PCDHAC1: variants seen among roughly 807,000 people sequenced by gnomAD.
PCDHAC1 encodes protocadherin alpha subfamily C, 1.
A neutral mutation model predicts 60.0 loss-of-function variants in PCDHAC1; 42 were observed. The ratio of observed to expected loss-of-function variants is 0.70; its 90% CI spans 0.55 to 0.90. The LOEUF (loss-of-function observed/expected upper bound fraction) is 0.90. Ranked by LOEUF, PCDHAC1 falls within the 40% of genes least tolerant of loss-of-function variation. The pLI, the probability that PCDHAC1 is intolerant of heterozygous loss-of-function variation, is 0.00. For missense variants in PCDHAC1, 1,160 were observed against 1,222.3 expected (o/e 0.95, Z 0.76); for synonymous variants, 468 against 499.3 (o/e 0.94, Z 0.84).
At chr5:140,985,317 A>C (rs1457089100) in intron 3 of PCDHAC1, among the ~76,000 whole-genome samples, 1 of 152,134 alleles carries the variant, frequency 6.6e-6, no homozygotes, top group Non-Finnish European at 1.5e-5. Flanking sequence ...TGGTGGCCAG[A>C]ATTCAGTAGT....
intron 1 of PCDHAC1, among the ~76,000 whole-genome samples, chr5:140,973,570 T>C (rs1211629419): frequency 6.6e-6 from 1 of 152,232 alleles, no homozygotes; most frequent in Non-Finnish European, 1.5e-5. Flanking sequence ...CCTCAATTTT[T>C]CTACAGACTG....
chr5:140,939,807 C>G (rs927084385), intron 1 of PCDHAC1, among the ~76,000 whole-genome samples: 1 of 152,088 alleles, frequency 6.6e-6, no homozygotes, highest in African/African-American at 2.4e-5. Context: ...TCTGCATGTT[C>G]AAGAAAAAGC....
intron 3 of PCDHAC1, among the ~76,000 whole-genome samples, chr5:141,001,941 A>G (rs565358428): frequency 6.6e-6 from 1 of 151,874 alleles, no homozygotes; most frequent in Admixed American, 6.5e-5. Context: ...GTGAGCGGAA[A>G]TAAGGAGGAG....
Position 140,927,822 on chromosome 5 carries a change from T to C in PCDHAC1, c.930T>C (p.Ile310=). The C allele has an allele frequency of 6.2e-7, 1 of 1,614,152 alleles. No homozygotes were observed. Among genetic ancestry groups the C allele is most frequent in the Non-Finnish European group, 8.5e-7 (1 of 1,180,030 alleles). Residue 310 remains isoleucine (I), a synonymous_variant, in exon 1 of 4, where the codon ATT becomes ATC. Coordinates refer to ENST00000253807, the MANE Select transcript of PCDHAC1 (RefSeq NM_018898.5). ...CTGAAACGCTCTTGGAGGCATACAT[T>C]GAGGCGAGGGACGAAGGTGTCTTTG... ...GPPETLLEAY[I]EARDEGVFGL...
chr5:140,968,135 G>C (rs2096222877), intron 1 of PCDHAC1: 2 of 1,614,034 alleles, frequency 1.2e-6, no homozygotes, highest in Non-Finnish European at 1.7e-6. Flanking sequence ...TACACTGAAG[G>C]TTGAGATCTC....
At chr5:140,957,191 T>C (rs1302296413) in intron 1 of PCDHAC1, among the ~76,000 whole-genome samples, 1 of 152,150 alleles carries the variant, frequency 6.6e-6, no homozygotes, top group Non-Finnish European at 1.5e-5. Flanking sequence ...TGATGACCGA[T>C]TGGGAATATA....
chr5:140,941,199 C>CTCCCT (rs2092799099), intron 1 of PCDHAC1, among the ~76,000 whole-genome samples: 1 of 115,882 alleles, frequency 8.6e-6, no homozygotes, highest in South Asian at 2.6e-4. Flanking sequence ...TTTTTTCTTT[C>CTCCCT]TTCCTTTCTT....
chr5:140,996,293 A>T (rs1481852263), intron 3 of PCDHAC1, among the ~76,000 whole-genome samples: 1 of 152,264 alleles, frequency 6.6e-6, no homozygotes, highest in African/African-American at 2.4e-5. Context: ...CAAGAAGCAC[A>T]GATTGTAACA....
intron 2 of PCDHAC1, 164 bp downstream of exon 2, chr5:140,979,171 C>T (rs1586797637): frequency 4.2e-6 from 4 of 960,866 alleles, no homozygotes; most frequent in South Asian, 4.8e-5. Context: ...CTTGAAAGAT[C>T]GCAAATGGTC....
At chr5:141,003,609 G>A (rs2098131688) in intron 3 of PCDHAC1, among the ~76,000 whole-genome samples, 1 of 151,970 alleles carries the variant, frequency 6.6e-6, no homozygotes, top group Non-Finnish European at 1.5e-5. Context: ...CACCATTCCC[G>A]GCCCCAGAGG....
chr5:140,970,625 A>C (rs534910839), intron 1 of PCDHAC1, among the ~76,000 whole-genome samples: 1 of 152,316 alleles, frequency 6.6e-6, no homozygotes, highest in Non-Finnish European at 1.5e-5. Context: ...CAAAAGCCAA[A>C]ATTTTGTACC....
chr5:140,928,245 A>G lies in PCDHAC1; in HGVS notation c.1353A>G (p.Glu451=). 2.5e-6 allele frequency: 4 copies of G among 1,614,192 alleles called. No homozygotes were observed. The highest frequency in any genetic ancestry group is 8.5e-7 in the Non-Finnish European group (1 of 1,180,032). ...CAAACTTTCCTCAACCCCAGCAGGA[A>G]CTTTTCGTTGCTGAAAACAATGGCC... ...NTPNFPQPQQ[E]LFVAENNGPG... is the part of the protein sequence containing the mutation. The change falls in exon 1 of 4, where the codon GAA becomes GAG. Residue 451 remains glutamate (E), a synonymous_variant. Transcript: ENST00000253807.
At chr5:140,964,802 GA>G (rs1187447949) in intron 1 of PCDHAC1, among the ~76,000 whole-genome samples, 2 of 151,946 alleles carry the variant, frequency 1.3e-5, no homozygotes, top group African/African-American at 4.8e-5. Context: ...CCCAAGAAAG[GA>G]GACAGGAATA....
rs1359152136 is a variant in PCDHAC1, at chr5:140,969,072, C to T, written c.2434-9877C>T. 2.1e-5 allele frequency: 34 copies of T among 1,613,982 alleles called. No individual in the cohort carries two copies. The highest frequency in any genetic ancestry group is 5.0e-5 in the Admixed American group (3 of 59,998). On this transcript the variant is annotated intron_variant, in intron 1 of 3. Transcript: ENST00000253807. ...AACAACAATATTGATGCCAGGATACCGCATGGCCTCAAAGTGCAGCCTCAC... is the reference window on the plus strand; with the variant it reads ...AACAACAATATTGATGCCAGGATACTGCATGGCCTCAAAGTGCAGCCTCAC...
intron 3 of PCDHAC1, among the ~76,000 whole-genome samples, chr5:141,002,517 G>A (rs770473989): frequency 5.3e-5 from 8 of 152,208 alleles, no homozygotes; most frequent in Non-Finnish European, 8.8e-5. Flanking sequence ...GAGTCTCCTA[G>A]CTGGAGTCAG....
intron 3 of PCDHAC1, among the ~76,000 whole-genome samples, chr5:140,992,036 TG>T (rs2097488420): frequency 6.6e-6 from 1 of 151,818 alleles, no homozygotes; most frequent in African/African-American, 2.4e-5. Flanking sequence ...TGTGTGTGTG[TG>T]TGTGTGTGTG....
At chr5:140,957,043 A>C (rs2095328677) in intron 1 of PCDHAC1, among the ~76,000 whole-genome samples, 3 of 152,196 alleles carry the variant, frequency 2.0e-5, no homozygotes, top group Admixed American at 2.0e-4. Flanking sequence ...GGAGTCATAT[A>C]AAATAAATTA....
chr5:140,941,548 C>CTCG (rs1175641247), intron 1 of PCDHAC1, among the ~76,000 whole-genome samples: 1 of 151,868 alleles, frequency 6.6e-6, no homozygotes, highest in Non-Finnish European at 1.5e-5. Context: ...AACTCCTGAC[C>CTCG]TCGTGATCCA....
rs1215041869 is a variant in PCDHAC1, at chr5:141,010,411, G to T, written c.*474G>T. ...TGAGACGAGCCAGCTTAGACTAATT[G>T]GTACAAGGAAGGCAAGAAAACAAAG... On this transcript the variant is annotated 3_prime_UTR_variant, in exon 4 of 4. Transcript: ENST00000253807. 4.1e-6 allele frequency: 5 copies of T among 1,224,236 alleles called. No individual in the cohort carries two copies. The highest frequency in any genetic ancestry group is 4.4e-6 in the Non-Finnish European group (4 of 905,798). The allele number at this position is 1,224,236 out of a possible 1,614,324, so 75.8% of individuals were successfully genotyped here. A position where few individuals can be genotyped will look rare whatever the true frequency, so the allele number is the denominator to read the frequency against.
Sources: gnomAD v4.1 joint callset for allele counts (sites outside exome capture counted in the v4.1 genomes callset) on GRCh38, gnomAD v4.1.1 for gene constraint, MANE v1.5 for transcripts, NCBI Gene and HGNC (gene_info 2026-07-23, HGNC 2026-07-21) for gene names.